FRMPD4: variants seen among roughly 807,000 people sequenced by gnomAD.
FRMPD4 encodes the protein FERM and PDZ domain-containing protein 4.
FRMPD4 carries 22 observed loss-of-function variants against 94.1 expected under a neutral mutation model. The ratio of observed to expected loss-of-function variants is 0.23; its 90% confidence interval spans 0.17 to 0.33. FRMPD4 has a LOEUF of 0.33. Among genes scored for constraint, FRMPD4 ranks in the 10% least tolerant of loss-of-function variants. The probability of loss-of-function intolerance (pLI) is 1.00; values close to 1 mark genes in which losing one functional copy is unlikely to be tolerated. For synonymous variants in FRMPD4, 631 were observed against 548.6 expected, an observed-to-expected ratio of 1.15 and a Z score of -2.10; for missense variants, 1,111 against 1,339.9, an observed-to-expected ratio of 0.83 and a Z score of 2.67.
chrX:12,490,132 A>G (rs1480371715), intron 1 of FRMPD4, among the ~76,000 whole-genome samples: 16 of 111,697 alleles, frequency 1.4e-4, no homozygotes, highest in Non-Finnish European at 3.0e-4. Context: ...GGAACTGTAT[A>G]GTATAGGGTT....
chrX:12,051,708 T>C (rs1007625643), intron 3 of FRMPD4, among the ~76,000 whole-genome samples: 19 of 110,671 alleles, frequency 1.7e-4, no homozygotes, highest in Non-Finnish European at 3.2e-4. Context: ...CACCCCCTCC[T>C]TTTATAAATG....
At chrX:12,463,581 A>ACCAAAGCC (rs1203096527) in intron 1 of FRMPD4, among the ~76,000 whole-genome samples, 1 of 110,369 alleles carries the variant, frequency 9.1e-6, no homozygotes, top group African/African-American at 3.3e-5. Flanking sequence ...TGACCAGGGC[A>ACCAAAGCC]CCAAAGCCAG....
chrX:11,981,486 T>G (rs2054396725), intron 3 of FRMPD4, among the ~76,000 whole-genome samples: 1 of 111,337 alleles, frequency 9.0e-6, no homozygotes, highest in African/African-American at 3.3e-5. Flanking sequence ...AGATTGCCTG[T>G]TTTTTCCTTA....
At chrX:12,645,850 T>C (rs965516597) in intron 4 of FRMPD4, among the ~76,000 whole-genome samples, 1 of 112,238 alleles carries the variant, frequency 8.9e-6, no homozygotes, top group African/African-American at 3.2e-5. Flanking sequence ...CATTTTGGTT[T>C]GCACCCTTTT....
chrX:12,105,443 A>G (rs1451452554), intron 3 of FRMPD4, among the ~76,000 whole-genome samples: 1 of 111,970 alleles, frequency 8.9e-6, no homozygotes, highest in South Asian at 3.7e-4. Flanking sequence ...TGAATATTCT[A>G]TCCTCTGTGT....
At chrX:12,024,531 A>C (rs1273799991) in intron 3 of FRMPD4, among the ~76,000 whole-genome samples, 1 of 112,178 alleles carries the variant, frequency 8.9e-6, no homozygotes, top group Non-Finnish European at 1.9e-5. Flanking sequence ...GCATATAGAC[A>C]GAAAGAGAGA....
chrX:12,540,153 C>T (rs1890502637), intron 2 of FRMPD4, among the ~76,000 whole-genome samples: 1 of 112,022 alleles, frequency 8.9e-6, no homozygotes, highest in Non-Finnish European at 1.9e-5. Context: ...CTGCAAAGAC[C>T]ATCGATGCTA....
At chrX:12,368,000 C>T (rs1209368936) in intron 1 of FRMPD4, among the ~76,000 whole-genome samples, 1 of 112,067 alleles carries the variant, frequency 8.9e-6, no homozygotes, top group Admixed American at 9.4e-5. Context: ...CATCCTCCTG[C>T]ATGACCTTAG....
intron 3 of FRMPD4, among the ~76,000 whole-genome samples, chrX:11,999,232 A>T (rs902797103): frequency 9.0e-6 from 1 of 111,422 alleles, no homozygotes; most frequent in African/African-American, 3.3e-5. Flanking sequence ...GTTTCTATCC[A>T]TGTCCACAGG....
chrX:12,403,372 T>TC (rs201033728), intron 1 of FRMPD4, among the ~76,000 whole-genome samples: 8,062 of 110,630 alleles, frequency 0.073, 734 homozygotes, highest in African/African-American at 0.25. Flanking sequence ...AACACTTTTT[T>TC]CCCCTCAAAT....
intron 1 of FRMPD4, among the ~76,000 whole-genome samples, chrX:12,243,790 CTTTTTTTTTTT>C (rs148889684): frequency 3.1e-4 from 7 of 22,914 alleles, no homozygotes; most frequent in African/African-American, 1.2e-3. Context: ...ATCTAAAGGG[CTTTTTTTTTTT>C]TTTTTTTTTT....
chrX:12,366,930 T>C (rs1179326429), intron 1 of FRMPD4, among the ~76,000 whole-genome samples: 1 of 111,149 alleles, frequency 9.0e-6, no homozygotes, highest in African/African-American at 3.3e-5. Flanking sequence ...TCCACTCTGT[T>C]CTGCTGCTTC....
chrX:12,491,377 A>AT (rs988222303), intron 1 of FRMPD4, among the ~76,000 whole-genome samples: 2 of 111,832 alleles, frequency 1.8e-5, no homozygotes, highest in South Asian at 7.5e-4. Flanking sequence ...ATGCACACAG[A>AT]TTTTTTTTAC....
chrX:12,015,448 C>G (rs149388923), intron 3 of FRMPD4, among the ~76,000 whole-genome samples: 3 of 111,814 alleles, frequency 2.7e-5, no homozygotes, highest in African/African-American at 9.8e-5. Context: ...TACCAACCTG[C>G]ACTTTTTTCA....
intron 2 of FRMPD4, among the ~76,000 whole-genome samples, chrX:12,607,413 G>A (rs1027330518): frequency 8.9e-6 from 1 of 111,803 alleles, no homozygotes; most frequent in African/African-American, 3.3e-5. Flanking sequence ...CAATACTGGG[G>A]CCAGCATCAC....
At position 12,112,291 on chromosome X, in the gene FRMPD4, A is replaced by C. The variant is rs772661630; in HGVS notation, c.95+234273A>C. ...AGGGACATGGATGAAGCTGGAAACC[A>C]TCATTCTCAGCAAACTATCGCAAGG... On this transcript the variant is annotated intron_variant, in intron 3 of 18. Coordinates refer to the FRMPD4 transcript ENST00000640291. Among the ~76,000 whole-genome samples the C allele has an allele frequency of 5.4e-3, 605 of 111,458 alleles. 4 individuals carry two copies. The highest frequency in any genetic ancestry group is 0.018 in the African/African-American group (563 of 30,642).
intron 9 of FRMPD4, among the ~76,000 whole-genome samples, chrX:12,699,404 G>T (rs1032686593): frequency 6.2e-5 from 7 of 112,556 alleles, no homozygotes; most frequent in South Asian, 3.7e-4. Context: ...TCACATTAGG[G>T]ATGAACAGGT....
chrX:12,619,833 C>T (rs956482687), intron 4 of FRMPD4, among the ~76,000 whole-genome samples: 1 of 111,448 alleles, frequency 9.0e-6, no homozygotes, highest in African/African-American at 3.3e-5. Context: ...TTCATACCCC[C>T]AGAGGTAGGC....
intron 3 of FRMPD4, among the ~76,000 whole-genome samples, chrX:12,030,547 A>G (rs970289658): frequency 1.8e-5 from 2 of 112,016 alleles, no homozygotes; most frequent in African/African-American, 6.5e-5. Context: ...GACAACAAAA[A>G]CAATATATTC....
Sources: allele counts gnomAD v4.1 joint callset (sites outside exome capture counted in the v4.1 genomes callset), GRCh38; gene constraint gnomAD v4.1.1; transcripts MANE v1.5; gene names NCBI Gene and HGNC (gene_info 2026-07-23, HGNC 2026-07-21).